Variants in CDH19 observed in about 807,000 individuals in gnomAD.
CDH19 encodes the protein cadherin-19.
Under a neutral mutation model 64.2 loss-of-function variants are expected in CDH19, and 67 were observed. The ratio of observed to expected loss-of-function variants is 1.04; its 90% CI spans 0.86 to 1.28. The LOEUF (loss-of-function observed/expected upper bound fraction) is 1.28. CDH19 is among the 50% of genes most tolerant of loss of function. CDH19 has a pLI of 0.00. For missense variants in CDH19, 1,030 were observed against 929.0 expected (o/e 1.11, Z -1.41); for synonymous variants, 346 against 319.3 (o/e 1.08, Z -0.89).
chr18:66,508,434 G>T (rs1474558732), intron 11 of CDH19, among the ~76,000 whole-genome samples: 7 of 151,412 alleles, frequency 4.6e-5, no homozygotes, highest in Non-Finnish European at 7.4e-5. Context: ...GCTCTAGTCA[G>T]TTGCAGTACA....
chr18:66,528,834 C>T (rs887493941), intron 9 of CDH19, among the ~76,000 whole-genome samples: 5 of 151,650 alleles, frequency 3.3e-5, no homozygotes, highest in Non-Finnish European at 7.4e-5. Context: ...CCAAATGGTC[C>T]CTGACTAGCT....
intron 5 of CDH19, among the ~76,000 whole-genome samples, chr18:66,547,891 T>C (rs928586850): frequency 2.0e-5 from 3 of 146,748 alleles, no homozygotes; most frequent in Non-Finnish European, 4.5e-5. Flanking sequence ...ATGGTCTCGA[T>C]CTCCTGACCT....
At chr18:66,574,448 A>G (rs1023405000) in intron 1 of CDH19, among the ~76,000 whole-genome samples, 1 of 151,568 alleles carries the variant, frequency 6.6e-6, no homozygotes, top group Admixed American at 6.6e-5. Context: ...TAATACTACA[A>G]TGTCTGTGAT....
At chr18:66,585,454 A>G (rs1420834226) in intron 1 of CDH19, among the ~76,000 whole-genome samples, 2 of 152,174 alleles carry the variant, frequency 1.3e-5, no homozygotes, top group East Asian at 1.9e-4. Flanking sequence ...ACCTTGGACG[A>G]ATAGCTCGAC....
intron 3 of CDH19, among the ~76,000 whole-genome samples, chr18:66,555,880 G>A (rs1224065341): frequency 6.6e-6 from 1 of 151,602 alleles, no homozygotes; most frequent in East Asian, 1.9e-4. Context: ...CTTTCCATAA[G>A]GGGTTCCCAT....
chr18:66,568,679 G>A lies in CDH19; in HGVS notation c.227C>T (p.Ser76Phe). The A allele has an allele frequency of 6.2e-7, 1 of 1,609,624 alleles. No homozygotes were observed. The highest frequency in any genetic ancestry group is 8.5e-7 in the Non-Finnish European group (1 of 1,178,312). The change falls in exon 3 of 12, where the codon TCT becomes TTT. Residue 76 changes from serine to phenylalanine, a missense_variant. Ser to Phe is a radical substitution (Grantham distance 155). Transcript: ENST00000262150. The stretch of plus-strand genomic sequence containing the variant: ...AGCTCCCAAAAGCTTGTACTGGAAA[G>A]AATTGTTTCCATTGTCTAAATCAGA... ...LRSDLDNGNN[S>F]FQYKLLGAGA...
In CDH19 at chr18:66,501,468, C is replaced by T. The variant is rs1482864906; in HGVS notation, c.*3344G>A. The stretch of plus-strand genomic sequence containing the variant: ...AATAGAAGTGTTTGAAGGAAGATTG[C>T]TTTAGTAACTGAGGAGGAGAGAGGA... On this transcript the variant is annotated 3_prime_UTR_variant, in exon 12 of 12. Transcript: ENST00000262150. The T allele has an allele frequency of 1.3e-5, 2 of 152,018 alleles. No individual in the cohort carries two copies. Among genetic ancestry groups the T allele is most frequent in the African/African-American group, 4.8e-5 (2 of 41,406 alleles). 9.4% of individuals were successfully genotyped at this position (152,018 alleles called of 1,614,324 possible). A position where few individuals can be genotyped will look rare whatever the true frequency, so the allele number is the denominator to read the frequency against.
At chr18:66,567,317 G>C (rs1987945668) in intron 3 of CDH19, among the ~76,000 whole-genome samples, 1 of 151,404 alleles carries the variant, frequency 6.6e-6, no homozygotes, top group East Asian at 2.0e-4. Flanking sequence ...GGAATAAGGA[G>C]ACAGAGGGGA....
At chr18:66,519,530 T>G (rs1985890836) in intron 9 of CDH19, among the ~76,000 whole-genome samples, 2 of 152,178 alleles carry the variant, frequency 1.3e-5, no homozygotes, top group African/African-American at 4.8e-5. Context: ...TAGCTTGTTG[T>G]TTTTGATGTT....
chr18:66,580,483 C>A (rs1988391797), intron 1 of CDH19, among the ~76,000 whole-genome samples: 1 of 151,968 alleles, frequency 6.6e-6, no homozygotes, highest in African/African-American at 2.4e-5. Context: ...TAAGTCTAGG[C>A]AGAGAAAACT....
At chr18:66,530,556 A>G (rs1986403478) in intron 8 of CDH19, among the ~76,000 whole-genome samples, 1 of 152,084 alleles carries the variant, frequency 6.6e-6, no homozygotes, top group Non-Finnish European at 1.5e-5. Flanking sequence ...TTTTATATAA[A>G]CATTGAATTG....
rs1264694398 is a variant in CDH19, at chr18:66,559,952, A to G, written c.491-5428T>C. Among the ~76,000 whole-genome samples, 8 of 152,002 alleles carry G rather than the reference A, an allele frequency of 5.3e-5. 1 individual carries two copies. The highest frequency in any genetic ancestry group is 1.0e-4 in the Non-Finnish European group (7 of 67,992). On this transcript the variant is annotated intron_variant, in intron 3 of 11. Transcript: ENST00000262150. ...CTGTATAAATGGTTAACTTGGAAAG[A>G]CAATTAAAAAATAAGTAAAATTTGT...
At chr18:66,508,447 G>A (rs749588681) in intron 11 of CDH19, among the ~76,000 whole-genome samples, 13 of 151,542 alleles carry the variant, frequency 8.6e-5, no homozygotes, top group South Asian at 6.2e-4. Flanking sequence ...GCAGTACAGT[G>A]TTGTATAACA....
chr18:66,513,868 T>C (rs527715180), intron 9 of CDH19, among the ~76,000 whole-genome samples: 20 of 151,532 alleles, frequency 1.3e-4, no homozygotes, highest in African/African-American at 4.8e-4. Flanking sequence ...GTATTCTTTT[T>C]GCTCTCTACG....
intron 1 of CDH19, among the ~76,000 whole-genome samples, chr18:66,592,418 A>G (rs1988770988): frequency 6.6e-6 from 1 of 151,850 alleles, no homozygotes; most frequent in Non-Finnish European, 1.5e-5. Flanking sequence ...GCTTTTTAAA[A>G]AGTATAAATT....
At chr18:66,554,786 T>G (rs533315700) in intron 3 of CDH19, among the ~76,000 whole-genome samples, 3 of 152,028 alleles carry the variant, frequency 2.0e-5, no homozygotes, top group African/African-American at 7.2e-5. Flanking sequence ...GATGGCCTAA[T>G]AAGATGTAGC....
chr18:66,588,662 T>C (rs1599039066), intron 1 of CDH19, among the ~76,000 whole-genome samples: 1 of 138,154 alleles, frequency 7.2e-6, no homozygotes, highest in South Asian at 2.3e-4. Context: ...TTTATTTCAG[T>C]GTTTAATATT....
chr18:66,532,890 TAGTGCTA>T (rs1291136114), intron 8 of CDH19, among the ~76,000 whole-genome samples: 3 of 152,114 alleles, frequency 2.0e-5, no homozygotes, highest in African/African-American at 4.8e-5. Context: ...ATGTGACAAA[TAGTGCTA>T]AGTCCTCATA....
intron 1 of CDH19, among the ~76,000 whole-genome samples, chr18:66,587,408 T>A (rs1483910828): frequency 1.3e-5 from 2 of 152,124 alleles, no homozygotes; most frequent in Admixed American, 1.3e-4. Flanking sequence ...TAGGTTCAGA[T>A]TTTTAAGACC....
Sources: gnomAD v4.1 joint callset for allele counts (sites outside exome capture counted in the v4.1 genomes callset) on GRCh38, gnomAD v4.1.1 for gene constraint, MANE v1.5 for transcripts, NCBI Gene and HGNC (gene_info 2026-07-23, HGNC 2026-07-21) for gene names.